The following SEMA4D variants were observed in gnomAD, a reference collection of about 807,000 sequenced individuals.
The protein encoded by SEMA4D is semaphorin 4D, also known as semaphorin-4D.
Under a neutral mutation model 74.8 loss-of-function variants are expected in SEMA4D, and 22 were observed. The observed-to-expected ratio is 0.29, with a 90% CI of 0.21 to 0.42. The LOEUF (loss-of-function observed/expected upper bound fraction) is 0.42. Among genes scored for constraint, SEMA4D ranks in the 10% least tolerant of loss-of-function variants. SEMA4D has a pLI of 1.00. For missense variants in SEMA4D, 937 were observed against 1,118.4 expected, an observed-to-expected ratio of 0.84 and a Z score of 2.31; for synonymous variants, 445 against 463.7, an observed-to-expected ratio of 0.96 and a Z score of 0.52.
intron 2 of SEMA4D, among the ~76,000 whole-genome samples, chr9:89,448,585 C>T (rs1373418539): frequency 6.6e-6 from 1 of 151,204 alleles, no homozygotes; most frequent in East Asian, 2.0e-4. Context: ...TGAGGAACAG[C>T]GATCCACACA....
chr9:89,411,205 CAA>C (rs905092536), intron 2 of SEMA4D, among the ~76,000 whole-genome samples: 4 of 152,064 alleles, frequency 2.6e-5, no homozygotes, highest in Non-Finnish European at 5.9e-5. Context: ...AAGGCTCTGG[CAA>C]AGAGTCTGAA....
chr9:89,451,588 C>T (rs370190625), intron 2 of SEMA4D, among the ~76,000 whole-genome samples: 1 of 152,186 alleles, frequency 6.6e-6, no homozygotes, highest in Non-Finnish European at 1.5e-5. Flanking sequence ...GAAGATAAAA[C>T]TCCTGGCTTT....
At chr9:89,469,482 T>C (rs901276520) in intron 1 of SEMA4D, among the ~76,000 whole-genome samples, 8 of 152,126 alleles carry the variant, frequency 5.3e-5, no homozygotes, top group African/African-American at 1.9e-4. Context: ...AAGAAGACTA[T>C]AGGACAATAC....
intron 1 of SEMA4D, among the ~76,000 whole-genome samples, chr9:89,467,566 C>G (rs901681844): frequency 6.8e-6 from 1 of 147,518 alleles, no homozygotes; most frequent in Non-Finnish European, 1.5e-5. Flanking sequence ...GAATCTCACT[C>G]TGTTGCCCAG....
At chr9:89,496,518 A>C (rs963240540) in intron 1 of SEMA4D, among the ~76,000 whole-genome samples, 3 of 152,058 alleles carry the variant, frequency 2.0e-5, no homozygotes, top group Non-Finnish European at 2.9e-5. Flanking sequence ...GCCTTATGGG[A>C]GGGCAGTCTT....
chr9:89,445,123 G>A (rs1163166297), intron 2 of SEMA4D, among the ~76,000 whole-genome samples: 1 of 152,144 alleles, frequency 6.6e-6, no homozygotes, highest in Non-Finnish European at 1.5e-5. Flanking sequence ...TCATGCCACC[G>A]CCGAAAGAAG....
intron 1 of SEMA4D, chr9:89,472,695 A>C (rs1041146369): frequency 1.9e-5 from 3 of 161,042 alleles, no homozygotes; most frequent in Non-Finnish European, 2.7e-5. Flanking sequence ...TTACAAGTTA[A>C]TCAAAAGGAA....
chr9:89,439,681 C>T (rs2135050076), intron 2 of SEMA4D, among the ~76,000 whole-genome samples: 1 of 152,352 alleles, frequency 6.6e-6, no homozygotes, highest in South Asian at 2.1e-4. Flanking sequence ...CAGCCGGCGG[C>T]TGACTGGTCT....
At chr9:89,414,989 C>T (rs2134032996) in intron 2 of SEMA4D, among the ~76,000 whole-genome samples, 1 of 152,342 alleles carries the variant, frequency 6.6e-6, no homozygotes, top group East Asian at 1.9e-4. Context: ...CACAGGCATC[C>T]ATCTATCAGC....
chr9:89,442,667 CA>C (rs1402701348), intron 2 of SEMA4D, among the ~76,000 whole-genome samples: 1 of 152,182 alleles, frequency 6.6e-6, no homozygotes, highest in Non-Finnish European at 1.5e-5. Flanking sequence ...AGCAAAGAAT[CA>C]GACCCACTCA....
chr9:89,462,259 T>TATAG (rs1286173767), intron 1 of SEMA4D, among the ~76,000 whole-genome samples: 1 of 152,180 alleles, frequency 6.6e-6, no homozygotes, highest in African/African-American at 2.4e-5. Flanking sequence ...TTCTCACAGG[T>TATAG]ATAGATCATC....
chr9:89,488,982 T>G (rs978329868), intron 1 of SEMA4D, among the ~76,000 whole-genome samples: 2 of 152,182 alleles, frequency 1.3e-5, no homozygotes, highest in Non-Finnish European at 2.9e-5. Context: ...GATCAAAAGA[T>G]CTGAACAGAC....
At chr9:89,376,117 C>T (rs1226897009), downstream of SEMA4D, among the ~76,000 whole-genome samples, 2 of 152,194 alleles carry the variant, frequency 1.3e-5, no homozygotes, top group African/African-American at 2.4e-5. Flanking sequence ...GGATTATGCC[C>T]GCCAATCTTT....
At chr9:89,461,680 A>T (rs11265905) in intron 1 of SEMA4D, among the ~76,000 whole-genome samples, 20,990 of 144,120 alleles carry the variant, frequency 0.15, 1,695 homozygotes, top group African/African-American at 0.21. Context: ...TCCTAGGGCC[A>T]ATGTGTATTT....
intron 2 of SEMA4D, among the ~76,000 whole-genome samples, chr9:89,412,929 C>A (rs183717078): frequency 6.6e-6 from 1 of 152,144 alleles, no homozygotes; most frequent in South Asian, 2.1e-4. Context: ...TCTGCCGGCC[C>A]TGCGAGTTCT....
downstream of SEMA4D, chr9:89,376,759 T>C (rs1286204869): frequency 2.0e-6 from 3 of 1,492,576 alleles, no homozygotes; most frequent in Non-Finnish European, 2.7e-6. Flanking sequence ...ATGTGGAGGA[T>C]GCCCCCGCCC....
chr9:89,368,545 GTTGGTCATCCTTT>G (rs1359417255), intron 16 of SEMA4D: 1 of 152,436 alleles, frequency 6.6e-6, no homozygotes, highest in Non-Finnish European at 1.5e-5. Context: ...CTGAGGCCTT[GTTGGTCATCCTTT>G]CTGTCCTCTG....
chr9:89,433,476 C>A (rs1289110837), intron 2 of SEMA4D, among the ~76,000 whole-genome samples: 1 of 152,234 alleles, frequency 6.6e-6, no homozygotes, highest in Non-Finnish European at 1.5e-5. Context: ...GCAGCCACTG[C>A]AGACTGTAAA....
At chr9:89,365,319 T>C in intron 16 of SEMA4D, 1 of 152,450 alleles carries the variant, frequency 6.6e-6, no homozygotes, top group Non-Finnish European at 1.5e-5. Flanking sequence ...CCTACTCTGC[T>C]GCTTCTGTCT....
Sources: gnomAD v4.1 joint callset for allele counts (sites outside exome capture counted in the v4.1 genomes callset) on GRCh38, gnomAD v4.1.1 for gene constraint, MANE v1.5 for transcripts, NCBI Gene and HGNC (gene_info 2026-07-23, HGNC 2026-07-21) for gene names.